The following NDUFAF2 variants were observed in gnomAD, a reference collection of about 807,000 sequenced individuals.
The protein encoded by NDUFAF2 is NADH dehydrogenase [ubiquinone] 1 alpha subcomplex assembly factor 2.
A neutral mutation model predicts 22.8 loss-of-function variants in NDUFAF2; 13 were observed. The ratio of observed to expected loss-of-function variants is 0.57; its 90% CI spans 0.37 to 0.91. NDUFAF2 has a LOEUF of 0.91. NDUFAF2 is among the 40% of genes least tolerant of loss of function. NDUFAF2 has a pLI of 0.01. For synonymous variants in NDUFAF2, 53 were observed against 64.2 expected (o/e 0.83, Z 0.84); for missense variants, 162 against 195.2 (o/e 0.83, Z 1.01).
At position 60,945,253 on chromosome 5, in the gene NDUFAF2, G is replaced by C. The variant is rs1180181724; in HGVS notation, c.-3G>C. 1.2e-6 allele frequency: 2 copies of C among 1,612,658 alleles called. No individual in the cohort carries two copies. The highest frequency in any genetic ancestry group is 2.2e-5 in the East Asian group (1 of 44,854). ...TGGCAGCGCTGGAAACTGGGTGGAC[G>C]GCATGGGTTGGTCTCAGGATTTGTT... On this transcript the variant is annotated 5_prime_UTR_variant, in exon 1 of 4. Coordinates refer to ENST00000296597, the MANE Select transcript of NDUFAF2 (RefSeq NM_174889.5).
intron 1 of NDUFAF2, among the ~76,000 whole-genome samples, chr5:60,987,319 A>T (rs927489141): frequency 6.6e-6 from 1 of 152,176 alleles, no homozygotes; most frequent in African/African-American, 2.4e-5. Flanking sequence ...GCCCAGGATG[A>T]GAAAGATTCT....
intron 1 of NDUFAF2, among the ~76,000 whole-genome samples, chr5:61,054,208 A>G (rs1320458111): frequency 1.3e-5 from 2 of 151,942 alleles, no homozygotes; most frequent in African/African-American, 4.8e-5. Context: ...CTCTAGAAAA[A>G]ACAAAAATAA....
At chr5:61,066,629 G>C (rs766443460) in intron 1 of NDUFAF2, among the ~76,000 whole-genome samples, 1 of 151,802 alleles carries the variant, frequency 6.6e-6, no homozygotes, top group African/African-American at 2.4e-5. Flanking sequence ...AAAAATCTGC[G>C]GATGATCAAT....
At chr5:61,025,075 C>T (rs1751632887) in intron 1 of NDUFAF2, among the ~76,000 whole-genome samples, 1 of 151,994 alleles carries the variant, frequency 6.6e-6, no homozygotes, top group Admixed American at 6.6e-5. Context: ...TCAGCGTTCC[C>T]CTAAATTTGT....
chr5:61,123,634 A>G (rs1187891337), intron 3 of NDUFAF2, among the ~76,000 whole-genome samples: 1 of 152,178 alleles, frequency 6.6e-6, no homozygotes, highest in Non-Finnish European at 1.5e-5. Context: ...CTGAGAAATG[A>G]AAGACTTGTA....
At chr5:61,054,609 C>A (rs966373149) in intron 1 of NDUFAF2, among the ~76,000 whole-genome samples, 2 of 152,156 alleles carry the variant, frequency 1.3e-5, no homozygotes, top group South Asian at 2.1e-4. Flanking sequence ...AGGAACAAAA[C>A]CCCCTTGCTA....
intron 1 of NDUFAF2, among the ~76,000 whole-genome samples, chr5:60,987,053 G>C (rs904609892): frequency 3.3e-5 from 5 of 151,634 alleles, no homozygotes; most frequent in Non-Finnish European, 7.4e-5. Flanking sequence ...GAAGAAAAGA[G>C]AGAAGATCCA....
At chr5:60,968,441 GA>G (rs1184031559) in intron 1 of NDUFAF2, among the ~76,000 whole-genome samples, 3 of 151,196 alleles carry the variant, frequency 2.0e-5, no homozygotes, top group Non-Finnish European at 3.0e-5. Context: ...GTATATTTGA[GA>G]TTTTTTTAAT....
rs534625736 is a variant in NDUFAF2 at position 61,037,402 on chromosome 5, A to C, written c.128-35723A>C. Among the ~76,000 whole-genome samples, 18 of 152,342 alleles carry C rather than the reference A, an allele frequency of 1.2e-4. No homozygotes were observed. The South Asian group carries it at 3.7e-3, about 32-fold the overall frequency. On this transcript the variant is annotated intron_variant, in intron 1 of 3. Coordinates refer to ENST00000296597, the MANE Select transcript of NDUFAF2 (RefSeq NM_174889.5). ...ACTCTAGATGAAGGTGGAAACTCAT[A>C]CAAAGTTAATGAGAGATTTTTTAAA... is the stretch of plus-strand genomic sequence containing the variant.
intron 1 of NDUFAF2, 73 bp from the exon 2 acceptor site, chr5:61,073,052 A>G: frequency 1.1e-6 from 1 of 907,754 alleles, no homozygotes; most frequent in South Asian, 1.3e-5. Context: ...GTTATGCAAT[A>G]TTCAAAGATT....
intron 2 of NDUFAF2, among the ~76,000 whole-genome samples, chr5:61,097,943 A>G (rs1752664710): frequency 6.6e-6 from 1 of 152,176 alleles, no homozygotes; most frequent in Non-Finnish European, 1.5e-5. Flanking sequence ...TGAAGAGTGA[A>G]TCAACTGAAA....
intron 1 of NDUFAF2, among the ~76,000 whole-genome samples, chr5:61,054,382 G>A (rs1473050100): frequency 6.6e-6 from 1 of 152,128 alleles, no homozygotes; most frequent in Non-Finnish European, 1.5e-5. Flanking sequence ...TCAGGCCTGG[G>A]AGAGGTGGGT....
chr5:61,044,996 T>C (rs998865018), intron 1 of NDUFAF2, among the ~76,000 whole-genome samples: 2 of 141,770 alleles, frequency 1.4e-5, no homozygotes, highest in African/African-American at 5.2e-5. Flanking sequence ...ATTTTAAAAT[T>C]TCTTTTATTA....
intron 3 of NDUFAF2, among the ~76,000 whole-genome samples, chr5:61,124,874 GCA>G (rs568829168): frequency 7.6e-4 from 115 of 152,098 alleles, no homozygotes; most frequent in African/African-American, 2.7e-3. Flanking sequence ...TTTAATGGAC[GCA>G]CAGTTCCCCA....
chr5:61,000,585 C>T (rs776028256), intron 1 of NDUFAF2, among the ~76,000 whole-genome samples: 1 of 152,076 alleles, frequency 6.6e-6, no homozygotes, highest in Non-Finnish European at 1.5e-5. Flanking sequence ...TAGAGTCAGA[C>T]TTAACCTGAA....
At chr5:61,073,852 A>T (rs1397068471) in intron 2 of NDUFAF2, among the ~76,000 whole-genome samples, 1 of 152,240 alleles carries the variant, frequency 6.6e-6, no homozygotes, top group African/African-American at 2.4e-5. Flanking sequence ...TCAGTCTACC[A>T]TCAAAGTTTT....
chr5:61,136,003 CTTTA>C (rs1740924255), intron 3 of NDUFAF2, among the ~76,000 whole-genome samples: 1 of 57,658 alleles, frequency 1.7e-5, no homozygotes, highest in Non-Finnish European at 3.1e-5. Context: ...CTAAGCCTGT[CTTTA>C]TATATATATA....
intron 1 of NDUFAF2, among the ~76,000 whole-genome samples, chr5:60,990,732 A>G (rs1260239854): frequency 6.6e-6 from 1 of 152,202 alleles, no homozygotes; most frequent in Non-Finnish European, 1.5e-5. Flanking sequence ...TTTAACTCCA[A>G]TTTTATTTCA....
chr5:60,962,995 C>T (rs1050580616), intron 1 of NDUFAF2, among the ~76,000 whole-genome samples: 10 of 152,022 alleles, frequency 6.6e-5, no homozygotes, highest in African/African-American at 2.2e-4. Context: ...AAGTCATTCT[C>T]CTGCCTCAGC....
Sources: gnomAD v4.1 joint callset for allele counts (sites outside exome capture counted in the v4.1 genomes callset) on GRCh38, gnomAD v4.1.1 for gene constraint, MANE v1.5 for transcripts, NCBI Gene and HGNC (gene_info 2026-07-23, HGNC 2026-07-21) for gene names.